Variants in LPP observed in about 807,000 individuals in gnomAD.
The protein encoded by LPP is lipoma-preferred partner.
A neutral mutation model predicts 60.4 loss-of-function variants in LPP; 38 were observed. The observed-to-expected ratio is 0.63, with a 90% CI of 0.49 to 0.83. The LOEUF (loss-of-function observed/expected upper bound fraction) is 0.83. LPP is among the 40% of genes least tolerant of loss of function. The pLI, the probability that LPP is intolerant of heterozygous loss-of-function variation, is 0.00. For synonymous variants in LPP, 328 were observed against 290.8 expected, an observed-to-expected ratio of 1.13 and a Z score of -1.30; for missense variants, 902 against 783.6, an observed-to-expected ratio of 1.15 and a Z score of -1.80.
chr3:188,237,120 G>A (rs912483028), intron 2 of LPP, among the ~76,000 whole-genome samples: 4 of 152,064 alleles, frequency 2.6e-5, no homozygotes, highest in African/African-American at 7.2e-5. Flanking sequence ...ATCTTCACCA[G>A]GGGTAATTTC....
At chr3:188,655,169 C>G (rs1424518036) in intron 7 of LPP, among the ~76,000 whole-genome samples, 1 of 152,168 alleles carries the variant, frequency 6.6e-6, no homozygotes, top group Non-Finnish European at 1.5e-5. Flanking sequence ...CTTCCTTTAG[C>G]CTTAACTGAT....
At chr3:188,791,738 A>G (rs1323601045) in intron 9 of LPP, among the ~76,000 whole-genome samples, 1 of 151,994 alleles carries the variant, frequency 6.6e-6, no homozygotes, top group Non-Finnish European at 1.5e-5. Context: ...CACTTCTTCC[A>G]TGGAGCCCCC....
chr3:188,195,980 G>A (rs1423067454), intron 1 of LPP, among the ~76,000 whole-genome samples: 1 of 151,958 alleles, frequency 6.6e-6, no homozygotes, highest in African/African-American at 2.4e-5. Context: ...ACCTTCTTTT[G>A]GCTTCTTAAC....
intron 2 of LPP, chr3:188,239,853 A>C: frequency 4.6e-6 from 1 of 215,268 alleles, no homozygotes; most frequent in East Asian, 6.9e-5. Flanking sequence ...CAATACAGTC[A>C]AGAGGGCTTG....
chr3:188,588,778 G>A (rs1194879567), intron 6 of LPP, among the ~76,000 whole-genome samples: 1 of 152,124 alleles, frequency 6.6e-6, no homozygotes, highest in Non-Finnish European at 1.5e-5. Flanking sequence ...GCTGGAAACA[G>A]GATCCACCCT....
intron 2 of LPP, among the ~76,000 whole-genome samples, chr3:188,283,629 G>A (rs1020278479): frequency 6.6e-6 from 1 of 152,178 alleles, no homozygotes; most frequent in African/African-American, 2.4e-5. Context: ...GAGGATGCGT[G>A]ATACTAAGGA....
intron 8 of LPP, among the ~76,000 whole-genome samples, chr3:188,724,771 C>T (rs147469444): frequency 3.9e-5 from 6 of 152,296 alleles, no homozygotes; most frequent in South Asian, 2.1e-4. Context: ...CTTTCACACA[C>T]GTAAATAGTT....
At chr3:188,688,894 T>C (rs1182830800) in intron 7 of LPP, 1 of 515,584 alleles carries the variant, frequency 1.9e-6, no homozygotes, top group Non-Finnish European at 3.9e-6. Flanking sequence ...GAGCTTAAAT[T>C]TCAGTGTTAA....
intron 8 of LPP, among the ~76,000 whole-genome samples, chr3:188,738,165 AC>A (rs1723161840): frequency 6.6e-6 from 1 of 152,104 alleles, no homozygotes; most frequent in South Asian, 2.1e-4. Context: ...TTATTGAAAA[AC>A]AAAATTCTGT....
At chr3:188,479,751 CT>C (rs980288880) in intron 4 of LPP, among the ~76,000 whole-genome samples, 47 of 152,264 alleles carry the variant, frequency 3.1e-4, no homozygotes, top group Admixed American at 2.7e-3. Flanking sequence ...TATCTAAATC[CT>C]TGGATGTGTG....
intron 9 of LPP, among the ~76,000 whole-genome samples, chr3:188,804,276 TATATATAA>T (rs1295075736): frequency 3.4e-5 from 4 of 117,042 alleles, no homozygotes; most frequent in Non-Finnish European, 7.3e-5. Context: ...TATATATATA[TATATATAA>T]AATGGAATAC....
chr3:188,374,910 G>A (rs1166852812), intron 3 of LPP, among the ~76,000 whole-genome samples: 22 of 151,356 alleles, frequency 1.5e-4, no homozygotes, highest in Admixed American at 5.3e-4. Context: ...AGAGTTTTTA[G>A]CATGAAGCGT....
intron 9 of LPP, among the ~76,000 whole-genome samples, chr3:188,832,751 G>A (rs75945693): frequency 0.023 from 3,510 of 152,286 alleles, 121 homozygotes; most frequent in African/African-American, 0.08. Context: ...GGGCAACCAT[G>A]TGTGTATTAC....
chr3:188,241,739 T>C (rs1724938092), intron 2 of LPP, among the ~76,000 whole-genome samples: 1 of 152,316 alleles, frequency 6.6e-6, no homozygotes, highest in South Asian at 2.1e-4. Context: ...TTGACTTTGT[T>C]ATAACTACTA....
chr3:188,210,794 A>G (rs1240824161), intron 1 of LPP, among the ~76,000 whole-genome samples: 2 of 152,056 alleles, frequency 1.3e-5, no homozygotes, highest in Admixed American at 6.6e-5. Context: ...CTTTGCTGGA[A>G]TGCTCCTGTT....
chr3:188,548,603 G>T (rs1268639469), intron 6 of LPP, among the ~76,000 whole-genome samples: 4 of 152,116 alleles, frequency 2.6e-5, no homozygotes, highest in African/African-American at 9.7e-5. Flanking sequence ...CTTTTGGGGG[G>T]ATATTTTGAA....
intron 3 of LPP, among the ~76,000 whole-genome samples, chr3:188,361,536 CCTCTCCTCCCCTCT>C (rs1769362242): frequency 3.8e-5 from 5 of 132,082 alleles, no homozygotes; most frequent in South Asian, 2.8e-4. Context: ...CCTCTCCTCT[CCTCTCCTCCCCTCT>C]CCTCTCCTCT....
intron 4 of LPP, among the ~76,000 whole-genome samples, chr3:188,422,161 T>C (rs1279360471): frequency 1.3e-5 from 2 of 152,016 alleles, no homozygotes; most frequent in Non-Finnish European, 2.9e-5. Context: ...CTCTGAAGAG[T>C]AGAGGTGGAT....
intron 8 of LPP, chr3:188,711,813 G>A (rs1416729908): frequency 6.6e-6 from 1 of 152,134 alleles, no homozygotes; most frequent in African/African-American, 2.4e-5. Flanking sequence ...AGTGTTCTTT[G>A]AGAATTCAGA....
Sources: allele counts gnomAD v4.1 joint callset (sites outside exome capture counted in the v4.1 genomes callset), GRCh38; gene constraint gnomAD v4.1.1; transcripts MANE v1.5; gene names NCBI Gene and HGNC (gene_info 2026-07-23, HGNC 2026-07-21).